The following GNAI1 variants were observed in gnomAD, a reference collection of about 807,000 sequenced individuals.
The protein encoded by GNAI1 is guanine nucleotide-binding protein G(i) subunit alpha-1.
Under a neutral mutation model 38.9 loss-of-function variants are expected in GNAI1, and 11 were observed. The observed-to-expected ratio is 0.28, with a 90% confidence interval of 0.18 to 0.47. The LOEUF is 0.47. Among genes scored for constraint, GNAI1 ranks in the 20% least tolerant of loss-of-function variants. The pLI is 0.99. For missense variants in GNAI1, 317 were observed against 436.9 expected (o/e 0.73, Z 2.45); for synonymous variants, 166 against 145.1 (o/e 1.14, Z -1.04).
intron 1 of GNAI1, among the ~76,000 whole-genome samples, chr7:80,163,416 G>A (rs780789349): frequency 2.6e-5 from 4 of 152,048 alleles, no homozygotes; most frequent in African/African-American, 7.2e-5. Context: ...TGGTCTGTTC[G>A]TAGTAGATTC....
chr7:80,151,591 G>A (rs1307007107), intron 1 of GNAI1, among the ~76,000 whole-genome samples: 2 of 152,120 alleles, frequency 1.3e-5, no homozygotes, highest in African/African-American at 4.8e-5. Flanking sequence ...TTCCTGGGGT[G>A]CTCCCACCCC....
intron 1 of GNAI1, among the ~76,000 whole-genome samples, chr7:80,159,641 TAACATTTA>T (rs1193971179): frequency 6.6e-6 from 1 of 152,218 alleles, no homozygotes; most frequent in African/African-American, 2.4e-5. Flanking sequence ...AGCACAACAC[TAACATTTA>T]AAAATATTCG....
chr7:80,170,841 A>G (rs1190516571), intron 1 of GNAI1, among the ~76,000 whole-genome samples: 9 of 152,204 alleles, frequency 5.9e-5, no homozygotes, highest in Admixed American at 4.6e-4. Context: ...CCCAAACCAT[A>G]TTAGAAACTC....
At position 80,223,704 on chromosome 7, in the gene GNAI1, T is replaced by C. The variant is rs1412064994; in HGVS notation, c.*6211T>C. 1.3e-5 allele frequency among the ~76,000 whole-genome samples: 2 copies of C among 152,204 alleles called. No homozygotes were observed. Among genetic ancestry groups the C allele is most frequent in the Admixed American group, 6.5e-5 (1 of 15,276 alleles). ...AATTTTAGTATAACATGTTTTCCTG[T>C]TTACAAATATAAGTAATTACCTTTC... On this transcript the variant is annotated 3_prime_UTR_variant, in exon 8 of 8. Transcript: ENST00000649796.
At chr7:80,156,056 A>G (rs1353868063) in intron 1 of GNAI1, among the ~76,000 whole-genome samples, 2 of 151,384 alleles carry the variant, frequency 1.3e-5, no homozygotes, top group African/African-American at 2.4e-5. Context: ...AAAAAAAAAA[A>G]AAAAAAAGAA....
At chr7:80,215,391 T>G (rs1788941986) in intron 7 of GNAI1, among the ~76,000 whole-genome samples, 1 of 152,224 alleles carries the variant, frequency 6.6e-6, no homozygotes, top group Non-Finnish European at 1.5e-5. Flanking sequence ...ATGCTGTTGA[T>G]TGCTTTAAAA....
In GNAI1 at chr7:80,219,092, T is replaced by G. The variant is rs1789027993; in HGVS notation, c.*1599T>G. On this transcript the variant is annotated 3_prime_UTR_variant, in exon 8 of 8. Transcript: ENST00000649796. ...AAACTATATTCATATCTGTTTCATT[T>G]GGAGGATTTTCTTCTTTGTAATGTA... The G allele has an allele frequency of 6.6e-6, 1 of 151,754 alleles. No individual in the cohort carries two copies. The highest frequency in any genetic ancestry group is 2.4e-5 in the African/African-American group (1 of 41,160). 9.4% of individuals were successfully genotyped at this position (151,754 alleles called of 1,614,324 possible). A position where few individuals can be genotyped will look rare whatever the true frequency, so the allele number is the denominator to read the frequency against.
At chr7:80,217,236 G>GACTTCAGTTTCATATGTATGAAACTT (rs1562846632) in intron 7 of GNAI1, 67 bp from the exon 8 acceptor site, 3 of 1,046,518 alleles carry the variant, frequency 2.9e-6, no homozygotes, top group Non-Finnish European at 4.2e-6. Flanking sequence ...GTATGAAACT[G>GACTTCAGTTTCATATGTATGAAACTT]AATTCAGTAT....
intron 7 of GNAI1, among the ~76,000 whole-genome samples, chr7:80,214,763 C>T (rs1171790911): frequency 6.6e-6 from 1 of 152,134 alleles, no homozygotes; most frequent in Non-Finnish European, 1.5e-5. Flanking sequence ...TCTGTCTGCT[C>T]CTGTGTTACC....
intron 1 of GNAI1, among the ~76,000 whole-genome samples, chr7:80,173,364 T>G (rs1056768557): frequency 6.6e-6 from 1 of 152,196 alleles, no homozygotes; most frequent in African/African-American, 2.4e-5. Flanking sequence ...ATAGCTTAGA[T>G]GTCAAGTAAA....
chr7:80,173,955 G>A (rs1788139718), intron 1 of GNAI1, among the ~76,000 whole-genome samples: 1 of 152,154 alleles, frequency 6.6e-6, no homozygotes, highest in African/African-American at 2.4e-5. Context: ...CAAATGTGGT[G>A]TGGTCATTTT....
At chr7:80,139,954 A>G (rs1392112964) in intron 1 of GNAI1, among the ~76,000 whole-genome samples, 1 of 99,494 alleles carries the variant, frequency 1.0e-5, no homozygotes, top group Non-Finnish European at 2.0e-5. Flanking sequence ...CTCATTTTCT[A>G]ATTTTTATTT....
At chr7:80,215,120 A>G (rs897492726) in intron 7 of GNAI1, among the ~76,000 whole-genome samples, 22 of 152,132 alleles carry the variant, frequency 1.4e-4, no homozygotes, top group Non-Finnish European at 5.9e-5. Flanking sequence ...TATCACCTAT[A>G]CTTACCTTTG....
At position 80,224,597 on chromosome 7, in the gene GNAI1, GTAT is replaced by G. The variant is rs1789129328; in HGVS notation, c.*7105_*7107del. Among the ~76,000 whole-genome samples, 3 of 152,186 alleles carry G rather than the reference GTAT, an allele frequency of 2.0e-5. No individual in the cohort carries two copies. The highest frequency in any genetic ancestry group is 2.9e-5 in the Non-Finnish European group (2 of 68,046). ...GCATTGCCTGAACAGATGTTAATAA[GTAT>G]GCATGATGCACATTAGCATGTCAAT... is the stretch of plus-strand genomic sequence containing the variant. On this transcript the variant is annotated 3_prime_UTR_variant, in exon 8 of 8. Transcript: ENST00000649796.
intron 7 of GNAI1, among the ~76,000 whole-genome samples, chr7:80,217,056 C>T (rs959021137): frequency 2.0e-5 from 3 of 151,844 alleles, no homozygotes; most frequent in Non-Finnish European, 2.9e-5. Context: ...ATGATGAACA[C>T]GGAATGCCAT....
At chr7:80,164,076 C>G (rs1226150061) in intron 1 of GNAI1, among the ~76,000 whole-genome samples, 2 of 120,654 alleles carry the variant, frequency 1.7e-5, no homozygotes, top group Non-Finnish European at 3.2e-5. Context: ...GACTGAGTCT[C>G]TCTCTGTCAC....
At position 80,224,651 on chromosome 7, in the gene GNAI1, G is replaced by T. The variant is rs1452895564; in HGVS notation, c.*7158G>T. Among the ~76,000 whole-genome samples, 2 of 152,188 alleles carry T rather than the reference G, an allele frequency of 1.3e-5. No individual in the cohort carries two copies. The highest frequency in any genetic ancestry group is 2.9e-5 in the Non-Finnish European group (2 of 68,036). On this transcript the variant is annotated 3_prime_UTR_variant, in exon 8 of 8. Transcript: ENST00000649796. ...GGCTGTGAAAAGCCAGTGCAGTAAAGAAGTAAAGAGCTCTCTGTGTGTTAA... is the reference window on the plus strand; with the variant it reads ...GGCTGTGAAAAGCCAGTGCAGTAAATAAGTAAAGAGCTCTCTGTGTGTTAA...
intron 1 of GNAI1, among the ~76,000 whole-genome samples, chr7:80,169,549 A>G (rs989705068): frequency 2.6e-5 from 4 of 152,194 alleles, no homozygotes; most frequent in Non-Finnish European, 5.9e-5. Flanking sequence ...GCAAGTAACC[A>G]GGTGTTAGTG....
In GNAI1 at chr7:80,145,655, A is replaced by G. The variant is rs534539832; in HGVS notation, c.118+10377A>G. ...TTTATTTTCTGGCTTTTTCAAAGCC[A>G]TTTTCATTATATTGTACCTATTTCA... On this transcript the variant is annotated intron_variant, in intron 1 of 7. Transcript: ENST00000649796. 7.8e-4 allele frequency among the ~76,000 whole-genome samples: 119 copies of G among 152,166 alleles called. 1 individual carries two copies. The highest frequency in any genetic ancestry group is 9.9e-4 in the Non-Finnish European group (67 of 68,020).
Sources: gnomAD v4.1 joint callset for allele counts (sites outside exome capture counted in the v4.1 genomes callset) on GRCh38, gnomAD v4.1.1 for gene constraint, MANE v1.5 for transcripts, NCBI Gene and HGNC (gene_info 2026-07-23, HGNC 2026-07-21) for gene names.